Variants in CD96 observed in about 807,000 individuals in gnomAD.
CD96 encodes the protein T-cell surface protein tactile.
CD96 carries 70 observed loss-of-function variants against 71.3 expected under a neutral mutation model. That is an observed-to-expected ratio of 0.98 (90% confidence interval 0.81 to 1.20). CD96 has a LOEUF of 1.20. CD96 is among the 50% of genes most tolerant of loss of function. The pLI is 0.00. For missense variants in CD96, 742 were observed against 677.5 expected (o/e 1.10, Z -1.06); for synonymous variants, 248 against 233.0 (o/e 1.06, Z -0.59).
intron 3 of CD96, among the ~76,000 whole-genome samples, chr3:111,568,210 G>A (rs904886500): frequency 2.2e-4 from 33 of 152,198 alleles, no homozygotes; most frequent in African/African-American, 7.0e-4. Flanking sequence ...ATAGTTGCAT[G>A]CCTTCTCATT....
At position 111,545,272 on chromosome 3, in the gene CD96, G is replaced by C; in HGVS notation, c.288G>C (p.Glu96Asp). The change falls in exon 2 of 14, where the codon GAG becomes GAC. Residue 96 changes from glutamate (E) to aspartate (D), a missense_variant. Coordinates refer to ENST00000352690, the MANE Select transcript of CD96 (RefSeq NM_005816.5). ...TTGTGACTTTCACAGAAACTCCTGA[G>C]AATGGGTCAAAATGGACTCTGCACT... ...ESLVTFTETP[E>D]NGSKWTLHLR... 6.2e-7 allele frequency: 1 copy of C among 1,614,108 alleles called. No individual in the cohort carries two copies. The highest frequency in any genetic ancestry group is 8.5e-7 in the Non-Finnish European group (1 of 1,179,976).
Position 111,647,604 on chromosome 3 carries a change from CT to C in CD96, c.1543del (p.Cys515AlafsTer3). The stretch of plus-strand genomic sequence containing the variant: ...GGCCAGTGATTGTAGCAGCTTTACT[CT>C]TTTGCTGCATGATATTGTTTGGTCT... ...SWPVIVAALL[F>X]CCMILFGLGV... On this transcript the variant is annotated frameshift_variant, in exon 13 of 14. Coordinates refer to ENST00000352690, the MANE Select transcript of CD96 (RefSeq NM_005816.5). LOFTEE classifies it high-confidence loss of function. 6.2e-7 allele frequency: 1 copy of C among 1,610,622 alleles called. No individual in the cohort carries two copies. Among genetic ancestry groups the C allele is most frequent in the Non-Finnish European group, 8.5e-7 (1 of 1,176,976 alleles).
intron 6 of CD96, 116 bp downstream of exon 6, chr3:111,598,326 GA>G (rs1937349494): frequency 2.8e-6 from 2 of 712,150 alleles, no homozygotes; most frequent in South Asian, 3.0e-5. Context: ...CTCATTCCAA[GA>G]AAAACATCAT....
chr3:111,597,648 A>G (rs996815387), intron 5 of CD96, among the ~76,000 whole-genome samples: 3 of 152,202 alleles, frequency 2.0e-5, no homozygotes, highest in Non-Finnish European at 4.4e-5. Context: ...ATTTATATAA[A>G]TCGTTTTCTG....
intron 8 of CD96, among the ~76,000 whole-genome samples, chr3:111,613,663 G>T (rs1451046278): frequency 1.3e-5 from 2 of 152,196 alleles, no homozygotes; most frequent in Admixed American, 1.3e-4. Flanking sequence ...TTGATGGAGA[G>T]CAATTACACA....
At chr3:111,562,056 C>T (rs1935461565) in intron 2 of CD96, among the ~76,000 whole-genome samples, 2 of 152,240 alleles carry the variant, frequency 1.3e-5, no homozygotes, top group African/African-American at 4.8e-5. Context: ...AATGCCTCGC[C>T]CTGCTTCGGC....
rs556137273 is a variant in CD96 at position 111,660,646 on chromosome 3, G to A, written c.*53-4881G>A. Among the ~76,000 whole-genome samples, 32 of 152,336 alleles carry A rather than the reference G, an allele frequency of 2.1e-4. No homozygotes were observed. In the South Asian group the frequency reaches 6.2e-3, roughly 30 times the overall value. On this transcript the variant is annotated intron_variant and NMD_transcript_variant, in intron 14 of 14. Transcript: ENST00000494798. ...CTATAAAGCTACAGTAACCAAAGCA[G>A]CTTGGTTCTGGTACAAAAACAGACA...
chr3:111,598,199 A>G lies in CD96; in HGVS notation c.887A>G (p.Asp296Gly), dbSNP rs973229108. 19 of 1,354,504 alleles carry G rather than the reference A, an allele frequency of 1.4e-5. No homozygotes were observed. In the African/African-American group the frequency reaches 2.6e-4, roughly 18 times the overall value. 83.9% of individuals were successfully genotyped at this position (1,354,504 alleles called of 1,614,324 possible). The part of the protein sequence containing the change: ...TWFIDGSFLH[D>G]EKEGIYITNE... ...TTTATAGATGGAAGTTTTCTTCATG[A>G]TGAAAAAGAAGGTAAGGAAACTAAT... is the stretch of plus-strand genomic sequence containing the variant. The change falls in exon 6 of 14, where the codon GAT (aspartate) becomes GGT (glycine). Residue 296 changes from aspartate (D) to glycine (G), a missense_variant. Transcript: ENST00000352690.
intron 10 of CD96, among the ~76,000 whole-genome samples, chr3:111,636,499 A>G (rs1256449753): frequency 6.6e-6 from 1 of 152,216 alleles, no homozygotes; most frequent in Non-Finnish European, 1.5e-5. Flanking sequence ...CCTTTTATCA[A>G]ATACAGATAT....
chr3:111,605,979 T>C (rs567004258), intron 7 of CD96, among the ~76,000 whole-genome samples: 3 of 152,298 alleles, frequency 2.0e-5, no homozygotes, highest in East Asian at 3.9e-4. Context: ...CTAAAGTCAA[T>C]AGAGCCTTCT....
rs1467496845 is a variant in CD96, at chr3:111,577,549, G to A, written c.544-1478G>A. The stretch of plus-strand genomic sequence containing the variant: ...GGGTCCTTCTTTCTAAGGGTATAAA[G>A]GTATGTAAATTGCTGCAGGAAAAAG... On this transcript the variant is annotated intron_variant, in intron 3 of 13. Coordinates refer to ENST00000352690, the MANE Select transcript of CD96 (RefSeq NM_005816.5). 4 of 1,591,470 alleles carry A rather than the reference G, an allele frequency of 2.5e-6. No individual in the cohort carries two copies. The African/African-American group carries it at 4.0e-5, about 16-fold the overall frequency.
At chr3:111,554,404 C>T (rs1228929971) in intron 2 of CD96, among the ~76,000 whole-genome samples, 1 of 151,984 alleles carries the variant, frequency 6.6e-6, no homozygotes, top group Admixed American at 6.6e-5. Context: ...CATTTCTTCT[C>T]TGTTTTCTTG....
Position 111,629,463 on chromosome 3 carries a change from C to T in CD96, c.1321+5059C>T, listed in dbSNP as rs565866393. On this transcript the variant is annotated intron_variant, in intron 10 of 13. Coordinates refer to ENST00000352690, the MANE Select transcript of CD96 (RefSeq NM_005816.5). ...AAATGGTTCAATTCAACAAGAAGAC[C>T]TAATTGTCCTAAACATATATGCACA... 1.9e-3 allele frequency among the ~76,000 whole-genome samples: 284 copies of T among 152,172 alleles called. 1 individual carries two copies. The highest frequency in any genetic ancestry group is 3.0e-3 in the Non-Finnish European group (206 of 67,998).
intron 8 of CD96, among the ~76,000 whole-genome samples, chr3:111,620,254 T>C (rs1938455055): frequency 6.6e-6 from 1 of 152,202 alleles, no homozygotes; most frequent in Non-Finnish European, 1.5e-5. Flanking sequence ...TCCATCTCCT[T>C]CATGAACTTA....
At chr3:111,598,033 T>A in intron 5 of CD96, 87 bp from the exon 6 acceptor site, 1 of 675,980 alleles carries the variant, frequency 1.5e-6, no homozygotes. Flanking sequence ...AACTCTTTTT[T>A]GCCAACTTAT....
rs368316706 is a variant in CD96 at position 111,545,279 on chromosome 3, T to G, written c.295T>G (p.Ser99Ala). 6.2e-7 allele frequency: 1 copy of G among 1,613,970 alleles called. No homozygotes were observed. Among genetic ancestry groups the G allele is most frequent in the Admixed American group, 1.7e-5 (1 of 60,026 alleles). ...TTTCACAGAAACTCCTGAGAATGGG[T>G]CAAAATGGACTCTGCACTTAAGGAA... ...VTFTETPENGSKWTLHLRNMS... is the reference protein window; with the variant it reads ...VTFTETPENGAKWTLHLRNMS... The change falls in exon 2 of 14, where the codon TCA becomes GCA. Residue 99 changes from serine (S) to alanine (A), a missense_variant. Ser to Ala is a moderately conservative substitution (Grantham distance 99). Transcript: ENST00000352690.
chr3:111,632,221 T>A (rs149066392), intron 10 of CD96, among the ~76,000 whole-genome samples: 1 of 152,098 alleles, frequency 6.6e-6, no homozygotes, highest in Non-Finnish European at 1.5e-5. Context: ...CATCTATCCA[T>A]CTGAAAAAGG....
chr3:111,624,345 G>A lies in CD96; in HGVS notation c.1262G>A (p.Ser421Asn), dbSNP rs777884736. ...TTTTGTCTTTCAGCCAGCAATTCCA[G>A]TATGACTACCCGAGGCTTCAACTAT... ...PNTTPQPSNSSMTTRGFNYPW... is the reference protein window; with the variant it reads ...PNTTPQPSNSNMTTRGFNYPW... The change falls in exon 10 of 14, where the codon AGT becomes AAT. Residue 421 changes from serine (S) to asparagine (N), a missense_variant. Coordinates refer to ENST00000352690, the MANE Select transcript of CD96 (RefSeq NM_005816.5). The A allele has an allele frequency of 5.2e-5, 84 of 1,610,132 alleles. No individual in the cohort carries two copies. The highest frequency in any genetic ancestry group is 6.9e-5 in the Non-Finnish European group (81 of 1,176,524).
chr3:111,577,290 A>G, intron 3 of CD96, among the ~76,000 whole-genome samples: 1 of 152,192 alleles, frequency 6.6e-6, no homozygotes, highest in Admixed American at 6.5e-5. Flanking sequence ...ATCCTGACAC[A>G]CAAAAAAGCA....
Sources: allele counts gnomAD v4.1 joint callset (sites outside exome capture counted in the v4.1 genomes callset), GRCh38; gene constraint gnomAD v4.1.1; transcripts MANE v1.5; gene names NCBI Gene and HGNC (gene_info 2026-07-23, HGNC 2026-07-21).